TSC22D1: variants seen among roughly 807,000 people sequenced by gnomAD.
The protein encoded by TSC22D1 is TSC22 domain family member 1, also known as TSC22 domain family protein 1.
A neutral mutation model predicts 74.2 loss-of-function variants in TSC22D1; 9 were observed. That is an observed-to-expected ratio of 0.12 (90% CI 0.07 to 0.21). The LOEUF (loss-of-function observed/expected upper bound fraction) is 0.21. TSC22D1 is among the 10% of genes least tolerant of loss of function. TSC22D1 has a pLI of 1.00. For missense variants in TSC22D1, 1,427 were observed against 1,304.7 expected (o/e 1.09, Z -1.44); for synonymous variants, 586 against 492.5 (o/e 1.19, Z -2.51).
chr13:44,467,888 T>C (rs1877380720), intron 1 of TSC22D1, among the ~76,000 whole-genome samples: 1 of 152,140 alleles, frequency 6.6e-6, no homozygotes, highest in Admixed American at 6.6e-5. Context: ...ATCCCACTAC[T>C]GGGTATTTAC....
At chr13:44,491,314 G>A (rs1878704206) in intron 1 of TSC22D1, among the ~76,000 whole-genome samples, 2 of 152,170 alleles carry the variant, frequency 1.3e-5, no homozygotes, top group South Asian at 4.1e-4. Context: ...AGCACTTTGG[G>A]AGGCCAAGGC....
chr13:44,572,623 T>TG (rs922977864), intron 1 of TSC22D1, among the ~76,000 whole-genome samples: 93 of 152,346 alleles, frequency 6.1e-4, no homozygotes, highest in African/African-American at 2.1e-3. Flanking sequence ...ACGCAAAAGT[T>TG]GGTCAGTTGG....
In TSC22D1 at chr13:44,573,646, G is replaced by A; in HGVS notation, c.2429C>T (p.Ala810Val). Residue 810 changes from alanine to valine, a missense_variant, in exon 1 of 3, where the codon GCT (alanine) becomes GTT (valine). Physicochemically the swap from Ala to Val is moderately conservative, Grantham distance 64 (BLOSUM62 0). This residue lies in a region of TSC22D1 where 1,343 missense variants were observed against 1,191.5 expected (regional missense o/e 1.13). Transcript: ENST00000458659. The stretch of plus-strand genomic sequence containing the variant: ...CAACTGCTGTGAAACAATTCCTTGA[G>A]CTACTGGTTCTACTCCTTGTGGCTG... Reference protein sequence around the residue: ...PPQPQGVEPVAQGIVSQQLPA... With the variant: ...PPQPQGVEPVVQGIVSQQLPA... The A allele has an allele frequency of 6.2e-7, 1 of 1,614,238 alleles. No individual in the cohort carries two copies. Among genetic ancestry groups the A allele is most frequent in the Non-Finnish European group, 8.5e-7 (1 of 1,180,040 alleles).
intron 1 of TSC22D1, among the ~76,000 whole-genome samples, chr13:44,464,203 AAAT>A (rs1233862590): frequency 1.3e-5 from 2 of 152,218 alleles, no homozygotes; most frequent in Admixed American, 6.5e-5. Context: ...GGACATGTAA[AAAT>A]AATAATAGTA....
intron 1 of TSC22D1, among the ~76,000 whole-genome samples, chr13:44,545,348 T>C (rs538123365): frequency 4.0e-5 from 6 of 151,870 alleles, no homozygotes; most frequent in East Asian, 1.9e-4. Context: ...AATAAATAAA[T>C]AAATAAAGCT....
intron 1 of TSC22D1, chr13:44,474,232 TAG>T: frequency 1.0e-6 from 1 of 985,324 alleles, no homozygotes; most frequent in Non-Finnish European, 1.2e-6. Flanking sequence ...GGATTATCAC[TAG>T]ACTATAGGAA....
At chr13:44,497,196 A>C (rs920946243) in intron 1 of TSC22D1, among the ~76,000 whole-genome samples, 2 of 152,232 alleles carry the variant, frequency 1.3e-5, no homozygotes, top group Middle Eastern at 3.2e-3. Flanking sequence ...GTAAATATAT[A>C]CATGAAATAT....
At chr13:44,564,656 C>T (rs1163761796) in intron 1 of TSC22D1, among the ~76,000 whole-genome samples, 1 of 152,104 alleles carries the variant, frequency 6.6e-6, no homozygotes, top group Admixed American at 6.6e-5. Flanking sequence ...AAGAAATTAC[C>T]TTAAAATAAA....
At chr13:44,491,694 G>C (rs1180057179) in intron 1 of TSC22D1, among the ~76,000 whole-genome samples, 1 of 152,080 alleles carries the variant, frequency 6.6e-6, no homozygotes, top group Non-Finnish European at 1.5e-5. Flanking sequence ...CAGTTTAACA[G>C]ATATAAATAA....
intron 1 of TSC22D1, among the ~76,000 whole-genome samples, chr13:44,475,185 C>T (rs1017519463): frequency 6.6e-6 from 1 of 151,576 alleles, no homozygotes; most frequent in African/African-American, 2.4e-5. Flanking sequence ...CAAGTTGGAT[C>T]TCCTTAAAAA....
intron 1 of TSC22D1, among the ~76,000 whole-genome samples, chr13:44,525,240 C>G (rs565667985): frequency 6.6e-6 from 1 of 152,284 alleles, no homozygotes; most frequent in African/African-American, 2.4e-5. Flanking sequence ...ACTCATCTTA[C>G]TACAATCAAC....
chr13:44,458,351 G>A (rs904085295), intron 1 of TSC22D1, among the ~76,000 whole-genome samples: 2 of 152,242 alleles, frequency 1.3e-5, no homozygotes, highest in African/African-American at 2.4e-5. Context: ...ACTGGAGTTA[G>A]AGCCTAATTC....
chr13:44,462,594 C>T (rs935732371), intron 1 of TSC22D1, among the ~76,000 whole-genome samples: 2 of 152,098 alleles, frequency 1.3e-5, no homozygotes, highest in Non-Finnish European at 2.9e-5. Context: ...ACAATTACAG[C>T]ACAAAAATCT....
At chr13:44,436,741 C>CA in intron 1 of TSC22D1, 1 of 1,487,862 alleles carries the variant, frequency 6.7e-7, no homozygotes, top group Non-Finnish European at 8.9e-7. Flanking sequence ...CAGAAAACGG[C>CA]AGCCCTAATT....
At chr13:44,467,548 GAAAA>G (rs1222799724) in intron 1 of TSC22D1, among the ~76,000 whole-genome samples, 4 of 149,486 alleles carry the variant, frequency 2.7e-5, no homozygotes, top group Non-Finnish European at 5.9e-5. Flanking sequence ...AAATCAGCAA[GAAAA>G]AAAAATAACT....
At chr13:44,544,078 G>A (rs1427201496) in intron 1 of TSC22D1, among the ~76,000 whole-genome samples, 1 of 152,110 alleles carries the variant, frequency 6.6e-6, no homozygotes, top group Non-Finnish European at 1.5e-5. Flanking sequence ...GGGTGACACA[G>A]CAAGACTCCG....
At chr13:44,496,355 G>A (rs1878975727) in intron 1 of TSC22D1, among the ~76,000 whole-genome samples, 1 of 152,062 alleles carries the variant, frequency 6.6e-6, no homozygotes, top group Admixed American at 6.6e-5. Flanking sequence ...GGACAACATA[G>A]GGAGACCCTG....
rs371938876 is a variant in TSC22D1, at chr13:44,537,310, A to G, written c.2912+35853T>C. 32 of 981,110 alleles carry G rather than the reference A, an allele frequency of 3.3e-5. No individual in the cohort carries two copies. In the South Asian group the frequency reaches 9.0e-4, roughly 27 times the overall value. The allele number at this position is 981,110 out of a possible 1,614,324, so 60.8% of individuals were successfully genotyped here. ...TAAATAAACAAATCAGTTCACAATAATATACAAAAAGTTTCACTTTTAAAT... is the reference window on the plus strand; with the variant it reads ...TAAATAAACAAATCAGTTCACAATAGTATACAAAAAGTTTCACTTTTAAAT... On this transcript the variant is annotated intron_variant, in intron 1 of 2. Coordinates refer to ENST00000458659, the MANE Select transcript of TSC22D1 (RefSeq NM_183422.4).
intron 1 of TSC22D1, among the ~76,000 whole-genome samples, chr13:44,523,080 G>A (rs945903049): frequency 4.0e-5 from 6 of 150,140 alleles, no homozygotes; most frequent in Non-Finnish European, 8.9e-5. Context: ...TATATCACTA[G>A]AGAAATGCTA....
Sources: allele counts gnomAD v4.1 joint callset (sites outside exome capture counted in the v4.1 genomes callset), GRCh38; gene constraint gnomAD v4.1.1; regional missense constraint gnomAD v4.1.1; transcripts MANE v1.5; gene names NCBI Gene and HGNC (gene_info 2026-07-23, HGNC 2026-07-21).